The following TENM3 variants were observed in gnomAD, a reference collection of about 807,000 sequenced individuals.
TENM3 encodes teneurin-3.
In TENM3, 63 loss-of-function variants were observed where a neutral mutation model predicts 255.1. The ratio of observed to expected loss-of-function variants is 0.25; its 90% CI spans 0.20 to 0.30. The LOEUF is 0.30. Among genes scored for constraint, TENM3 ranks in the 10% least tolerant of loss-of-function variants. The pLI is 1.00. For missense variants in TENM3, 2,929 were observed against 3,461.1 expected (o/e 0.85, Z 3.86); for synonymous variants, 1,306 against 1,322.3 (o/e 0.99, Z 0.27).
chr4:182,363,932 G>A (rs1450291082), intron 3 of TENM3, among the ~76,000 whole-genome samples: 1 of 152,072 alleles, frequency 6.6e-6, no homozygotes, highest in Non-Finnish European at 1.5e-5. Flanking sequence ...AATATCAGTT[G>A]CTACAGAAAA....
intron 6 of TENM3, among the ~76,000 whole-genome samples, chr4:182,665,698 A>G (rs1168986637): frequency 6.6e-6 from 1 of 152,036 alleles, no homozygotes; most frequent in Non-Finnish European, 1.5e-5. Flanking sequence ...GATCGAGACC[A>G]TCCTGGTTAA....
At position 182,327,609 on chromosome 4, in the gene TENM3, C is replaced by A. The variant is rs538274251; in HGVS notation, c.232+3357C>A. On this transcript the variant is annotated intron_variant, in intron 2 of 27. Coordinates refer to ENST00000511685, the MANE Select transcript of TENM3 (RefSeq NM_001080477.4). ...AGCATAATGCTGGGGATCATTTCTT[C>A]TTCACAGTCATTGTGTAATTTGACG... Among the ~76,000 whole-genome samples, 20 of 152,272 alleles carry A rather than the reference C, an allele frequency of 1.3e-4. No individual in the cohort carries two copies. The South Asian group carries it at 4.1e-3, about 32-fold the overall frequency.
At chr4:182,642,481 A>G (rs1752400695) in intron 5 of TENM3, among the ~76,000 whole-genome samples, 1 of 152,250 alleles carries the variant, frequency 6.6e-6, no homozygotes, top group African/African-American at 2.4e-5. Flanking sequence ...TAATGTTATC[A>G]TTTATAAAAG....
chr4:182,769,045 T>C (rs1469881518), intron 22 of TENM3, among the ~76,000 whole-genome samples: 2 of 152,178 alleles, frequency 1.3e-5, no homozygotes, highest in African/African-American at 4.8e-5. Context: ...ACCTCTCAAA[T>C]CTATAAGCTG....
the TENM3 span, among the ~76,000 whole-genome samples, chr4:181,561,281 A>G: frequency 6.6e-6 from 1 of 152,196 alleles, no homozygotes; most frequent in Non-Finnish European, 1.5e-5. Flanking sequence ...AGAAAATCCA[A>G]TAACATGTAG....
At chr4:181,601,083 G>A in the TENM3 span, among the ~76,000 whole-genome samples, 18 of 152,128 alleles carry the variant, frequency 1.2e-4, no homozygotes, top group Admixed American at 3.9e-4. Flanking sequence ...CAATACTACC[G>A]GTGCACATCG....
At chr4:181,520,894 A>G in the TENM3 span, among the ~76,000 whole-genome samples, 2 of 152,186 alleles carry the variant, frequency 1.3e-5, no homozygotes, top group Admixed American at 1.3e-4. Flanking sequence ...TTAAAAGTAA[A>G]TCATCAATCA....
In TENM3 at chr4:182,167,910, C is replaced by T. The variant is rs1312903511; in HGVS notation, c.-76+23156C>T. Among the ~76,000 whole-genome samples, 5 of 151,946 alleles carry T rather than the reference C, an allele frequency of 3.3e-5. No homozygotes were observed. In the South Asian group the frequency reaches 6.2e-4, roughly 19 times the overall value. On this transcript the variant is annotated intron_variant, in intron 1 of 2. Transcript: ENST00000512480. ...AATAAATAAATAAATAAGTAAATTC[C>T]CTTGTAGAACTATAATTGTTTTATG... is the stretch of plus-strand genomic sequence containing the variant.
chr4:182,749,534 G>A (rs770025353), intron 19 of TENM3, among the ~76,000 whole-genome samples: 1 of 152,166 alleles, frequency 6.6e-6, no homozygotes, highest in Non-Finnish European at 1.5e-5. Flanking sequence ...TGAGTATGTA[G>A]TATGCGCTAG....
the TENM3 span, among the ~76,000 whole-genome samples, chr4:181,878,377 G>T: frequency 6.6e-6 from 1 of 152,060 alleles, no homozygotes. Context: ...ATTGGGGAAA[G>T]TTCTTAGCAG....
intron 2 of TENM3, among the ~76,000 whole-genome samples, chr4:182,345,843 A>T (rs1764765236): frequency 6.6e-6 from 1 of 152,148 alleles, no homozygotes; most frequent in African/African-American, 2.4e-5. Flanking sequence ...TTTTCAGGGA[A>T]CTTGATTTTA....
the TENM3 span, among the ~76,000 whole-genome samples, chr4:181,827,359 A>G: frequency 6.6e-6 from 1 of 152,196 alleles, no homozygotes; most frequent in Admixed American, 6.5e-5. Flanking sequence ...AACTATGTAG[A>G]GTTCAGGTTC....
At chr4:182,320,462 C>G (rs1371010087) in intron 1 of TENM3, among the ~76,000 whole-genome samples, 2 of 152,204 alleles carry the variant, frequency 1.3e-5, no homozygotes, top group African/African-American at 4.8e-5. Flanking sequence ...CCTCTGTCTT[C>G]TCCTGGCCTT....
the TENM3 span, among the ~76,000 whole-genome samples, chr4:181,828,623 G>C: frequency 6.6e-6 from 1 of 151,124 alleles, no homozygotes; most frequent in African/African-American, 2.4e-5. Flanking sequence ...TCACTCTGTT[G>C]CCCAGGCACT....
chr4:182,315,287 G>T (rs1762688417), intron 1 of TENM3, among the ~76,000 whole-genome samples: 4 of 152,054 alleles, frequency 2.6e-5, no homozygotes, highest in Admixed American at 2.6e-4. Flanking sequence ...TTGCCTGAAG[G>T]GCTTCCTTTA....
At chr4:181,468,740 A>C in the TENM3 span, among the ~76,000 whole-genome samples, 1 of 152,212 alleles carries the variant, frequency 6.6e-6, no homozygotes, top group Non-Finnish European at 1.5e-5. Flanking sequence ...GATCTTTTTT[A>C]TCATTCCAAT....
chr4:182,035,994 G>A, the TENM3 span, among the ~76,000 whole-genome samples: 1 of 152,156 alleles, frequency 6.6e-6, no homozygotes, highest in African/African-American at 2.4e-5. Flanking sequence ...GGGGTCTTGT[G>A]CAGGCTCTCC....
the TENM3 span, among the ~76,000 whole-genome samples, chr4:181,842,935 T>TA: frequency 6.6e-6 from 1 of 152,154 alleles, no homozygotes; most frequent in Non-Finnish European, 1.5e-5. Flanking sequence ...CAAACCTCTA[T>TA]TTTTACTTAC....
At chr4:181,500,397 G>A in the TENM3 span, among the ~76,000 whole-genome samples, 7 of 152,058 alleles carry the variant, frequency 4.6e-5, no homozygotes, top group Non-Finnish European at 7.4e-5. Context: ...GATCGGGGGT[G>A]GGGGAGGCTG....
Sources: allele counts gnomAD v4.1 joint callset (sites outside exome capture counted in the v4.1 genomes callset), GRCh38; gene constraint gnomAD v4.1.1; transcripts MANE v1.5; gene names NCBI Gene and HGNC (gene_info 2026-07-23, HGNC 2026-07-21).